XRCC5: variants seen among roughly 807,000 people sequenced by gnomAD.
XRCC5 encodes X-ray repair cross complementing 5, also known as DNA repair protein Ku80.
XRCC5 carries 12 observed loss-of-function variants against 95.7 expected under a neutral mutation model. The observed-to-expected ratio is 0.13, with a 90% confidence interval of 0.08 to 0.20. The LOEUF (loss-of-function observed/expected upper bound fraction) is 0.20, where lower values mean the gene tolerates loss of function less well. XRCC5 is among the 10% of genes least tolerant of loss of function. The pLI, the probability that XRCC5 is intolerant of heterozygous loss-of-function variation, is 1.00. For missense variants in XRCC5, 595 were observed against 873.9 expected (o/e 0.68, Z 4.02); for synonymous variants, 281 against 290.3 (o/e 0.97, Z 0.33).
intron 17 of XRCC5, among the ~76,000 whole-genome samples, chr2:216,192,233 A>G (rs1689626669): frequency 6.6e-6 from 1 of 152,100 alleles, no homozygotes; most frequent in African/African-American, 2.4e-5. Context: ...ACCTCAGGTG[A>G]TCTGCCCAGC....
At chr2:216,148,035 C>A (rs900138318) in intron 13 of XRCC5, 48 bp from the exon 14 acceptor site, 1 of 1,558,298 alleles carries the variant, frequency 6.4e-7, no homozygotes, top group Non-Finnish European at 8.7e-7. Flanking sequence ...TATAAAGAAG[C>A]CATATATGTC....
At chr2:216,182,440 C>G (rs1373091606) in intron 16 of XRCC5, among the ~76,000 whole-genome samples, 1 of 152,180 alleles carries the variant, frequency 6.6e-6, no homozygotes, top group Non-Finnish European at 1.5e-5. Context: ...TTTCCTTTCC[C>G]CTACTGCTCA....
At chr2:216,162,512 C>T (rs991603291) in intron 16 of XRCC5, among the ~76,000 whole-genome samples, 1 of 151,834 alleles carries the variant, frequency 6.6e-6, no homozygotes, top group African/African-American at 2.4e-5. Context: ...AGCGATTCTC[C>T]TACCTCAGCC....
At chr2:216,139,493 A>G (rs1343164368) in intron 12 of XRCC5, among the ~76,000 whole-genome samples, 3 of 152,020 alleles carry the variant, frequency 2.0e-5, no homozygotes, top group Admixed American at 2.0e-4. Context: ...CACAAGAAAG[A>G]CCAGCCCCTC....
chr2:216,154,101 G>T (rs945534903), intron 14 of XRCC5, among the ~76,000 whole-genome samples: 1 of 152,160 alleles, frequency 6.6e-6, no homozygotes, highest in Non-Finnish European at 1.5e-5. Context: ...AGGTTAGTCT[G>T]GTGGCTAATG....
chr2:216,187,452 C>G (rs372046509), intron 16 of XRCC5, among the ~76,000 whole-genome samples: 1 of 138,364 alleles, frequency 7.2e-6, no homozygotes, highest in Non-Finnish European at 1.6e-5. Context: ...ATATTTTTCT[C>G]TGTAAGATAG....
intron 16 of XRCC5, among the ~76,000 whole-genome samples, chr2:216,168,412 G>C (rs1291075795): frequency 3.0e-4 from 46 of 152,082 alleles, no homozygotes; most frequent in Non-Finnish European, 1.6e-4. Context: ...CATTGAAATA[G>C]AGATGAAAAG....
At chr2:216,136,624 A>G (rs1697085136) in intron 10 of XRCC5, among the ~76,000 whole-genome samples, 1 of 152,176 alleles carries the variant, frequency 6.6e-6, no homozygotes, top group Non-Finnish European at 1.5e-5. Context: ...GGCAATTAGA[A>G]GGTGATGGGT....
rs1304660185 is a variant in XRCC5, at chr2:216,141,259, C to T, written c.1416C>T (p.Thr472=). The T allele has an allele frequency of 6.2e-7, 1 of 1,614,062 alleles. No homozygotes were observed. Among genetic ancestry groups the T allele is most frequent in the Non-Finnish European group, 8.5e-7 (1 of 1,179,994 alleles). The change falls in exon 13 of 21, where the codon ACC becomes ACT. Residue 472 remains threonine, a synonymous_variant. Coordinates refer to ENST00000392132, the MANE Select transcript of XRCC5 (RefSeq NM_021141.4). ...CAAAGAAAGATGAGAAGACAGACAC[C>T]CTTGAAGACTTGTTTCCAACCACCA... ...SLAKKDEKTD[T]LEDLFPTTKI...
chr2:216,204,164 A>G (rs1487661166), intron 19 of XRCC5, 158 bp from the exon 20 acceptor site: 1 of 770,792 alleles, frequency 1.3e-6, no homozygotes, highest in African/African-American at 1.7e-5. Flanking sequence ...AGCCAAATGA[A>G]GTAGCGTATG....
At chr2:216,110,800 CTTAAG>C (rs1559234731) in intron 1 of XRCC5, among the ~76,000 whole-genome samples, 1 of 152,006 alleles carries the variant, frequency 6.6e-6, no homozygotes, top group African/African-American at 2.4e-5. Context: ...TTTTGTGACT[CTTAAG>C]TTTTTTTAGG....
At chr2:216,121,177 C>T (rs1696802375) in intron 5 of XRCC5, among the ~76,000 whole-genome samples, 1 of 152,220 alleles carries the variant, frequency 6.6e-6, no homozygotes. Flanking sequence ...CTGGTTATTG[C>T]TTTGAAAACA....
intron 13 of XRCC5, among the ~76,000 whole-genome samples, chr2:216,142,796 G>T (rs1372969259): frequency 1.3e-5 from 2 of 152,098 alleles, no homozygotes; most frequent in African/African-American, 4.8e-5. Flanking sequence ...CTACTTGAAA[G>T]AAACTGCCTG....
chr2:216,130,055 G>A (rs540600268), intron 8 of XRCC5, among the ~76,000 whole-genome samples: 2 of 152,204 alleles, frequency 1.3e-5, no homozygotes, highest in Admixed American at 6.5e-5. Flanking sequence ...CACAGAATCT[G>A]TCCCTGGATA....
chr2:216,117,627 C>CT, intron 3 of XRCC5, 119 bp from the exon 4 acceptor site: 1 of 962,796 alleles, frequency 1.0e-6, no homozygotes, highest in Non-Finnish European at 1.6e-6. Context: ...CAGGCAAGTA[C>CT]TTTAAGTCAT....
chr2:216,200,303 G>A (rs1370877019), intron 19 of XRCC5, among the ~76,000 whole-genome samples: 1 of 152,150 alleles, frequency 6.6e-6, no homozygotes, highest in Non-Finnish European at 1.5e-5. Flanking sequence ...GCTTAGTGAA[G>A]GATTGAAGAC....
intron 2 of XRCC5, among the ~76,000 whole-genome samples, chr2:216,115,702 A>G (rs1696683759): frequency 6.6e-6 from 1 of 152,160 alleles, no homozygotes; most frequent in African/African-American, 2.4e-5. Flanking sequence ...TTTTGTTTTT[A>G]TATTTCATTA....
At chr2:216,153,636 C>G (rs1019197169) in intron 14 of XRCC5, among the ~76,000 whole-genome samples, 1 of 152,192 alleles carries the variant, frequency 6.6e-6, no homozygotes, top group Non-Finnish European at 1.5e-5. Flanking sequence ...TGACCCCCAA[C>G]TTAAAGCTCA....
chr2:216,142,507 T>C (rs985906529), intron 13 of XRCC5, among the ~76,000 whole-genome samples: 1 of 152,078 alleles, frequency 6.6e-6, no homozygotes, highest in Admixed American at 6.6e-5. Flanking sequence ...AGGGGAGGGC[T>C]AGACCAAGGT....
Sources: allele counts gnomAD v4.1 joint callset (sites outside exome capture counted in the v4.1 genomes callset), GRCh38; gene constraint gnomAD v4.1.1; transcripts MANE v1.5; gene names NCBI Gene and HGNC (gene_info 2026-07-23, HGNC 2026-07-21).